Variants in HSPA12A observed in about 807,000 individuals in gnomAD.
HSPA12A encodes the protein heat shock 70 kDa protein 12A.
HSPA12A carries 28 observed loss-of-function variants against 69.2 expected under a neutral mutation model. That is an observed-to-expected ratio of 0.40 (90% CI 0.30 to 0.55). The LOEUF is 0.55. Ranked by LOEUF, HSPA12A falls within the 20% of genes least tolerant of loss-of-function variation. The pLI is 0.38. For synonymous variants in HSPA12A, 345 were observed against 370.5 expected (o/e 0.93, Z 0.79); for missense variants, 686 against 900.7 (o/e 0.76, Z 3.05).
chr10:116,843,850 C>T (rs2133225559), intron 1 of HSPA12A, among the ~76,000 whole-genome samples: 1 of 152,320 alleles, frequency 6.6e-6, no homozygotes, highest in Middle Eastern at 3.4e-3. Flanking sequence ...AATACTGTAG[C>T]AATGATTAAA....
intron 2 of HSPA12A, among the ~76,000 whole-genome samples, chr10:116,783,303 T>C (rs1219162255): frequency 6.6e-6 from 1 of 152,166 alleles, no homozygotes; most frequent in African/African-American, 2.4e-5. Context: ...GAGGAGTCAG[T>C]GGCAGAGGAG....
chr10:116,691,204 A>AAGC (rs1849727437), intron 6 of HSPA12A, among the ~76,000 whole-genome samples: 1 of 152,114 alleles, frequency 6.6e-6, no homozygotes, highest in Non-Finnish European at 1.5e-5. Flanking sequence ...AGTGCAGGGG[A>AAGC]AGCAGCCTGG....
intron 2 of HSPA12A, among the ~76,000 whole-genome samples, chr10:116,749,377 G>A (rs1052005320): frequency 5.9e-5 from 9 of 152,158 alleles, no homozygotes; most frequent in East Asian, 3.9e-4. Context: ...CTTCATGACC[G>A]TGTAGATGAG....
intron 2 of HSPA12A, among the ~76,000 whole-genome samples, chr10:116,788,235 C>A (rs547059309): frequency 1.2e-4 from 19 of 152,320 alleles, no homozygotes; most frequent in African/African-American, 4.3e-4. Flanking sequence ...ATCCTGCAAA[C>A]GCCGCCCTCT....
chr10:116,735,377 G>A (rs1304312520), intron 1 of HSPA12A, among the ~76,000 whole-genome samples: 1 of 152,220 alleles, frequency 6.6e-6, no homozygotes, highest in Non-Finnish European at 1.5e-5. Flanking sequence ...AAGACTTGCT[G>A]TGACCACCAG....
intron 2 of HSPA12A, among the ~76,000 whole-genome samples, chr10:116,785,791 A>G (rs1464813167): frequency 6.6e-6 from 1 of 152,056 alleles, no homozygotes; most frequent in East Asian, 1.9e-4. Context: ...TATCCCAGCC[A>G]GAAGCCAGGC....
intron 2 of HSPA12A, among the ~76,000 whole-genome samples, chr10:116,809,243 T>A (rs1845128682): frequency 6.6e-6 from 1 of 152,076 alleles, no homozygotes; most frequent in Admixed American, 6.5e-5. Context: ...GTCACCAGCA[T>A]CACCAGCACA....
At chr10:116,813,524 G>T (rs957338262) in intron 2 of HSPA12A, among the ~76,000 whole-genome samples, 1 of 151,946 alleles carries the variant, frequency 6.6e-6, no homozygotes, top group African/African-American at 2.4e-5. Context: ...TGGGATTACA[G>T]GTGTGAGCCA....
intron 2 of HSPA12A, among the ~76,000 whole-genome samples, chr10:116,760,932 C>T (rs1843955859): frequency 6.6e-6 from 1 of 152,056 alleles, no homozygotes; most frequent in African/African-American, 2.4e-5. Flanking sequence ...AAGGATAAAA[C>T]ACATGCAAAT....
rs139725906 is a variant in HSPA12A at position 116,760,337 on chromosome 10, T to C, written c.92-53052A>G. Among the ~76,000 whole-genome samples, 493 of 152,016 alleles carry C rather than the reference T, an allele frequency of 3.2e-3. 2 individuals are homozygous for C. The highest frequency in any genetic ancestry group is 0.011 in the African/African-American group (467 of 41,468). On this transcript the variant is annotated intron_variant, in intron 2 of 12. Transcript: ENST00000635765. ...AGATTCAAGGGCACCGAGAGCTCCC[T>C]GTTTCACTCTCCCAGGCTGGTAGCA...
At chr10:116,811,140 G>GATAGCA (rs1845172162) in intron 2 of HSPA12A, among the ~76,000 whole-genome samples, 1 of 152,172 alleles carries the variant, frequency 6.6e-6, no homozygotes, top group Non-Finnish European at 1.5e-5. Flanking sequence ...AGCTGGCCAT[G>GATAGCA]ATAGCAATGG....
chr10:116,811,962 TGGCCA>T (rs1845197826), intron 2 of HSPA12A, among the ~76,000 whole-genome samples: 1 of 152,200 alleles, frequency 6.6e-6, no homozygotes, highest in South Asian at 2.1e-4. Flanking sequence ...CACCCCGATG[TGGCCA>T]GGCCAGGCCA....
chr10:116,816,312 C>G (rs1016764664), intron 2 of HSPA12A, among the ~76,000 whole-genome samples: 3 of 152,362 alleles, frequency 2.0e-5, no homozygotes, highest in African/African-American at 7.2e-5. Flanking sequence ...ATTGTTCTTC[C>G]TGCTCAGCTG....
intron 2 of HSPA12A, among the ~76,000 whole-genome samples, chr10:116,816,782 C>T (rs565077939): frequency 1.3e-5 from 2 of 152,280 alleles, no homozygotes; most frequent in African/African-American, 2.4e-5. Context: ...CTGGAGCCCT[C>T]GCCAGTTTCT....
chr10:116,822,044 G>C (rs547645000), intron 2 of HSPA12A, among the ~76,000 whole-genome samples: 1 of 152,338 alleles, frequency 6.6e-6, no homozygotes, highest in South Asian at 2.1e-4. Flanking sequence ...TGTTCGCTAA[G>C]GCATTTACAT....
intron 2 of HSPA12A, among the ~76,000 whole-genome samples, chr10:116,778,257 G>T (rs1622217): frequency 0.5 from 75,377 of 151,956 alleles, 18,872 homozygotes; most frequent in South Asian, 0.54. Context: ...TTGCTAGTAG[G>T]TTTTTTCTTT....
upstream of HSPA12A, among the ~76,000 whole-genome samples, chr10:116,747,257 A>G (rs1554887901): frequency 1.3e-5 from 2 of 152,224 alleles, no homozygotes; most frequent in African/African-American, 4.8e-5. Context: ...AGAGGAAATT[A>G]TTGCTCCAAA....
At chr10:116,709,396 C>A (rs184007688) in intron 1 of HSPA12A, among the ~76,000 whole-genome samples, 61 of 146,222 alleles carry the variant, frequency 4.2e-4, no homozygotes, top group African/African-American at 1.5e-3. Flanking sequence ...TGCAGTGAGC[C>A]GAGATTGTGC....
intron 2 of HSPA12A, among the ~76,000 whole-genome samples, chr10:116,758,175 C>G (rs976400824): frequency 2.6e-5 from 4 of 152,180 alleles, no homozygotes; most frequent in Non-Finnish European, 5.9e-5. Context: ...AGGTACCTAA[C>G]AGCCTTCAGC....
Sources: allele counts gnomAD v4.1 joint callset (sites outside exome capture counted in the v4.1 genomes callset), GRCh38; gene constraint gnomAD v4.1.1; transcripts MANE v1.5; gene names NCBI Gene and HGNC (gene_info 2026-07-23, HGNC 2026-07-21).